Variants in PARVA observed in about 807,000 individuals in gnomAD.
The protein encoded by PARVA is parvin alpha, also known as alpha-parvin.
PARVA carries 25 observed loss-of-function variants against 52.6 expected under a neutral mutation model. The observed-to-expected ratio is 0.48, with a 90% CI of 0.35 to 0.66. The LOEUF (loss-of-function observed/expected upper bound fraction) is 0.66. Ranked by LOEUF, PARVA falls within the 30% of genes least tolerant of loss-of-function variation. PARVA has a pLI of 0.01. For missense variants in PARVA, 373 were observed against 450.9 expected (o/e 0.83, Z 1.56); for synonymous variants, 185 against 179.1 (o/e 1.03, Z -0.26).
chr11:12,521,812 A>G (rs535681419), intron 12 of PARVA, among the ~76,000 whole-genome samples: 1 of 152,306 alleles, frequency 6.6e-6, no homozygotes, highest in African/African-American at 2.4e-5. Context: ...TATGAGCCAG[A>G]GAATGCAGGC....
At chr11:12,441,933 T>C (rs544967264) in intron 1 of PARVA, among the ~76,000 whole-genome samples, 1 of 152,320 alleles carries the variant, frequency 6.6e-6, no homozygotes, top group South Asian at 2.1e-4. Context: ...AAAAATAGCA[T>C]GTGGTAAGTT....
At chr11:12,459,275 T>C (rs1940741267) in intron 1 of PARVA, among the ~76,000 whole-genome samples, 1 of 151,902 alleles carries the variant, frequency 6.6e-6, no homozygotes, top group South Asian at 2.1e-4. Flanking sequence ...CATGGTGGAA[T>C]ATGCCTATAG....
chr11:12,449,125 C>CATTTATTT (rs560178447), intron 1 of PARVA, among the ~76,000 whole-genome samples: 9 of 151,514 alleles, frequency 5.9e-5, no homozygotes, highest in South Asian at 4.2e-4. Context: ...CCAAAAGGGG[C>CATTTATTT]ATTTATTTAT....
chr11:12,522,405 A>G (rs12363780), intron 12 of PARVA, among the ~76,000 whole-genome samples: 38,472 of 149,354 alleles, frequency 0.26, 5,197 homozygotes, highest in Non-Finnish European at 0.32. Context: ...GTAGACAACA[A>G]ATCAAGAGCT....
intron 1 of PARVA, among the ~76,000 whole-genome samples, chr11:12,447,275 G>A (rs1940560597): frequency 6.6e-6 from 1 of 152,316 alleles, no homozygotes; most frequent in South Asian, 2.1e-4. Flanking sequence ...TCTTAAAAGT[G>A]AGGGTGGGGT....
chr11:12,493,221 T>C (rs1305683745), intron 4 of PARVA, among the ~76,000 whole-genome samples: 1 of 151,846 alleles, frequency 6.6e-6, no homozygotes, highest in Non-Finnish European at 1.5e-5. Context: ...CTGGGCGTGG[T>C]GGTGCATGCC....
intron 7 of PARVA, among the ~76,000 whole-genome samples, chr11:12,508,899 A>G (rs1016160617): frequency 2.0e-5 from 3 of 152,124 alleles, no homozygotes; most frequent in Admixed American, 6.5e-5. Context: ...ACTCCAGGAA[A>G]AAGTGTGCCC....
chr11:12,444,331 A>G (rs1940514094), intron 1 of PARVA, among the ~76,000 whole-genome samples: 1 of 152,210 alleles, frequency 6.6e-6, no homozygotes, highest in African/African-American at 2.4e-5. Context: ...GCCCATAAAG[A>G]TGGGTGTTGA....
intron 1 of PARVA, among the ~76,000 whole-genome samples, chr11:12,433,474 G>A (rs1357299496): frequency 2.6e-5 from 4 of 152,094 alleles, no homozygotes; most frequent in Non-Finnish European, 5.9e-5. Context: ...ATTTCAGTTT[G>A]GGTTGTGTGG....
At chr11:12,511,844 A>T (rs1941506011) in intron 8 of PARVA, among the ~76,000 whole-genome samples, 1 of 152,204 alleles carries the variant, frequency 6.6e-6, no homozygotes, top group African/African-American at 2.4e-5. Context: ...CCACAGCCCA[A>T]GGGTGAAGGA....
At chr11:12,438,076 C>T (rs1310205809) in intron 1 of PARVA, among the ~76,000 whole-genome samples, 3 of 151,972 alleles carry the variant, frequency 2.0e-5, no homozygotes, top group East Asian at 1.9e-4. Flanking sequence ...CTGGCTAACA[C>T]GGTGCAACCC....
chr11:12,405,007 T>C (rs1377631705), intron 1 of PARVA, among the ~76,000 whole-genome samples: 1 of 152,198 alleles, frequency 6.6e-6, no homozygotes, highest in Non-Finnish European at 1.5e-5. Flanking sequence ...TCAGCTACCG[T>C]CTGGGTATCT....
At chr11:12,474,016 T>C (rs757694613) in intron 3 of PARVA, 33 bp downstream of exon 3, 7 of 1,519,924 alleles carry the variant, frequency 4.6e-6, no homozygotes, top group African/African-American at 1.4e-5. Context: ...TTCAGGTGCC[T>C]CACTGACCCA....
At chr11:12,406,887 G>C (rs1169057395) in intron 1 of PARVA, among the ~76,000 whole-genome samples, 1 of 151,924 alleles carries the variant, frequency 6.6e-6, no homozygotes, top group Non-Finnish European at 1.5e-5. Context: ...AGCCAGGATC[G>C]TCTCGATCTC....
At chr11:12,383,143 G>A (rs1939518028) in intron 1 of PARVA, among the ~76,000 whole-genome samples, 2 of 152,144 alleles carry the variant, frequency 1.3e-5, no homozygotes. Flanking sequence ...CTTATGAGTT[G>A]TAGCTTAAGT....
rs35501237 is a variant in PARVA, at chr11:12,484,504, G to GGTGTGTGTGT, written c.400+6591_400+6600dup. On this transcript the variant is annotated intron_variant, in intron 4 of 12. Coordinates refer to ENST00000334956, the MANE Select transcript of PARVA (RefSeq NM_018222.5). Reference sequence around the variant, plus strand: ...TTCTGCAGGAGGGTGGTTTTGTTTTGGTGTGTGTGTGTGTGTGTGTGTGTG... The same window carrying GGTGTGTGTGT: ...TTCTGCAGGAGGGTGGTTTTGTTTTGGTGTGTGTGTGTGTGTGTGTGTGTGTGTGTGTGTG... Among the ~76,000 whole-genome samples the GGTGTGTGTGT allele has an allele frequency of 2.5e-3, 367 of 144,692 alleles. 2 individuals are homozygous for GGTGTGTGTGT. Among genetic ancestry groups the GGTGTGTGTGT allele is most frequent in the African/African-American group, 8.4e-3 (317 of 37,926 alleles). The allele number at this position is 144,692 out of a possible 152,430, so 94.9% of individuals were successfully genotyped here.
intron 1 of PARVA, among the ~76,000 whole-genome samples, chr11:12,384,513 G>A (rs904801715): frequency 6.6e-5 from 10 of 152,212 alleles, no homozygotes; most frequent in African/African-American, 1.9e-4. Context: ...GTGGTAGTAA[G>A]TGCTAGAGAG....
intron 6 of PARVA, among the ~76,000 whole-genome samples, chr11:12,507,831 CTT>C (rs1294183585): frequency 8.5e-5 from 13 of 152,152 alleles, no homozygotes; most frequent in African/African-American, 3.1e-4. Flanking sequence ...TCCCGATTGA[CTT>C]TAGCTCCTCA....
At chr11:12,485,374 A>G (rs1209461052) in intron 4 of PARVA, among the ~76,000 whole-genome samples, 1 of 152,242 alleles carries the variant, frequency 6.6e-6, no homozygotes, top group African/African-American at 2.4e-5. Context: ...CCAACAGGAG[A>G]AACCAGGACT....
Sources: allele counts gnomAD v4.1 joint callset (sites outside exome capture counted in the v4.1 genomes callset), GRCh38; gene constraint gnomAD v4.1.1; transcripts MANE v1.5; gene names NCBI Gene and HGNC (gene_info 2026-07-23, HGNC 2026-07-21).